The following ANKRD6 variants were observed in gnomAD, a reference collection of about 807,000 sequenced individuals.
The protein encoded by ANKRD6 is ankyrin repeat domain-containing protein 6.
A neutral mutation model predicts 82.3 loss-of-function variants in ANKRD6; 56 were observed. The ratio of observed to expected loss-of-function variants is 0.68; its 90% CI spans 0.55 to 0.85. The LOEUF (loss-of-function observed/expected upper bound fraction) is 0.85, where lower values mean the gene tolerates loss of function less well. Among genes scored for constraint, ANKRD6 ranks in the 40% least tolerant of loss-of-function variants. The pLI is 0.00. For missense variants in ANKRD6, 852 were observed against 907.6 expected, an observed-to-expected ratio of 0.94 and a Z score of 0.79; for synonymous variants, 347 against 352.1, an observed-to-expected ratio of 0.99 and a Z score of 0.16.
chr6:89,599,439 C>T (rs943664744), intron 3 of ANKRD6, among the ~76,000 whole-genome samples: 2 of 152,136 alleles, frequency 1.3e-5, no homozygotes, highest in African/African-American at 4.8e-5. Context: ...TACCTTTTCC[C>T]AGCATTTAAG....
chr6:89,503,458 A>G (rs1246110301), intron 1 of ANKRD6, among the ~76,000 whole-genome samples: 2 of 152,186 alleles, frequency 1.3e-5, no homozygotes, highest in African/African-American at 4.8e-5. Flanking sequence ...TGGACAGAGT[A>G]TGGGCTTCTG....
At chr6:89,581,078 C>G (rs1792414948) in intron 2 of ANKRD6, among the ~76,000 whole-genome samples, 1 of 152,200 alleles carries the variant, frequency 6.6e-6, no homozygotes, top group Non-Finnish European at 1.5e-5. Flanking sequence ...TTACCTGCTT[C>G]TTACATTGTT....
At chr6:89,484,020 C>A (rs536374458) in intron 1 of ANKRD6, among the ~76,000 whole-genome samples, 2 of 152,238 alleles carry the variant, frequency 1.3e-5, no homozygotes, top group East Asian at 3.9e-4. Flanking sequence ...CTTCTCGTGC[C>A]TCAGTGTCCT....
chr6:89,528,265 T>A (rs1394305250), intron 1 of ANKRD6, among the ~76,000 whole-genome samples: 1 of 152,258 alleles, frequency 6.6e-6, no homozygotes, highest in Middle Eastern at 3.2e-3. Flanking sequence ...CAAATCCTAT[T>A]GCTGCCTTGT....
intron 1 of ANKRD6, among the ~76,000 whole-genome samples, chr6:89,508,116 A>G (rs908956139): frequency 6.6e-6 from 1 of 152,202 alleles, no homozygotes; most frequent in African/African-American, 2.4e-5. Context: ...CTGTATAACA[A>G]ATTACCCCAA....
At chr6:89,523,588 A>G in intron 1 of ANKRD6, among the ~76,000 whole-genome samples, 1 of 152,178 alleles carries the variant, frequency 6.6e-6, no homozygotes, top group South Asian at 2.1e-4. Context: ...TGGATCCAGA[A>G]TTCAGTTTTT....
At chr6:89,599,906 G>C (rs928017455) in intron 3 of ANKRD6, among the ~76,000 whole-genome samples, 1 of 152,110 alleles carries the variant, frequency 6.6e-6, no homozygotes, top group African/African-American at 2.4e-5. Flanking sequence ...TGGCCTGACA[G>C]CAGTGTTTAT....
chr6:89,518,514 G>A (rs1054158638), intron 1 of ANKRD6, among the ~76,000 whole-genome samples: 1 of 152,188 alleles, frequency 6.6e-6, no homozygotes, highest in Non-Finnish European at 1.5e-5. Context: ...CCTAAGCTGG[G>A]GGATTAGGAA....
intron 13 of ANKRD6, among the ~76,000 whole-genome samples, chr6:89,625,674 A>G (rs1379534510): frequency 6.6e-6 from 1 of 152,044 alleles, no homozygotes; most frequent in African/African-American, 2.4e-5. Context: ...TTCACACCTG[A>G]GAAAACGTTA....
chr6:89,470,391 G>A (rs753051521), intron 1 of ANKRD6, among the ~76,000 whole-genome samples: 3 of 152,182 alleles, frequency 2.0e-5, no homozygotes, highest in Non-Finnish European at 4.4e-5. Flanking sequence ...GACCGAGGTG[G>A]GAGGATCGCT....
intron 1 of ANKRD6, among the ~76,000 whole-genome samples, chr6:89,538,527 C>T (rs757204697): frequency 7.9e-5 from 12 of 152,172 alleles, no homozygotes; most frequent in South Asian, 4.1e-4. Flanking sequence ...TGTAAGTCAA[C>T]ATACTGTTTC....
rs144774787 is a variant in ANKRD6, at chr6:89,536,087, G to A, written c.-143-30747G>A. Among the ~76,000 whole-genome samples the A allele has an allele frequency of 5.6e-3, 849 of 152,258 alleles. 24 individuals are homozygous for A. The highest frequency in any genetic ancestry group is 0.039 in the East Asian group (201 of 5,162). ...CTCTACTAAAATACCAAAATTAGCC[G>A]GGAATGGTGGCACATGCCTGTAATC... is the stretch of plus-strand genomic sequence containing the variant. On this transcript the variant is annotated intron_variant, in intron 1 of 15. Transcript: ENST00000339746.
At chr6:89,583,925 C>T (rs1485238493) in intron 2 of ANKRD6, among the ~76,000 whole-genome samples, 3 of 152,226 alleles carry the variant, frequency 2.0e-5, no homozygotes, top group Non-Finnish European at 2.9e-5. Context: ...CCTGAGTGTT[C>T]AATCAGCAAG....
At chr6:89,452,833 C>T (rs1409138384) in intron 1 of ANKRD6, among the ~76,000 whole-genome samples, 1 of 152,138 alleles carries the variant, frequency 6.6e-6, no homozygotes, top group African/African-American at 2.4e-5. Context: ...ACCTGGCGGC[C>T]AGGAAGGCCT....
intron 7 of ANKRD6, among the ~76,000 whole-genome samples, chr6:89,614,863 A>C (rs1365689511): frequency 5.3e-5 from 8 of 151,340 alleles, no homozygotes; most frequent in African/African-American, 7.3e-5. Context: ...AAAAAAAAAA[A>C]CCCACCAAGC....
intron 1 of ANKRD6, among the ~76,000 whole-genome samples, chr6:89,470,690 T>TG (rs1174970877): frequency 8.8e-4 from 134 of 152,162 alleles, no homozygotes; most frequent in African/African-American, 3.1e-3. Flanking sequence ...TTTTGTTTTG[T>TG]TTTGTTTTGT....
intron 5 of ANKRD6, among the ~76,000 whole-genome samples, chr6:89,609,009 C>T (rs1799513991): frequency 6.6e-6 from 1 of 152,222 alleles, no homozygotes; most frequent in African/African-American, 2.4e-5. Flanking sequence ...CACTGGCCTG[C>T]TTCTCATTCC....
At chr6:89,629,736 C>G (rs768750798) in intron 15 of ANKRD6, among the ~76,000 whole-genome samples, 2 of 152,336 alleles carry the variant, frequency 1.3e-5, no homozygotes, top group South Asian at 4.1e-4. Context: ...TTTACATTAG[C>G]CACAGTGATT....
intron 1 of ANKRD6, among the ~76,000 whole-genome samples, chr6:89,553,342 A>T (rs940334047): frequency 2.6e-5 from 4 of 152,142 alleles, no homozygotes; most frequent in African/African-American, 4.8e-5. Context: ...GTGCCTGAGG[A>T]TGGCGGGCTC....
Sources: allele counts gnomAD v4.1 joint callset (sites outside exome capture counted in the v4.1 genomes callset), GRCh38; gene constraint gnomAD v4.1.1; transcripts MANE v1.5; gene names NCBI Gene and HGNC (gene_info 2026-07-23, HGNC 2026-07-21).